Variants in TBC1D32 observed in about 807,000 individuals in gnomAD.
TBC1D32 encodes TBC1 domain family member 32, also known as protein broad-minded.
A neutral mutation model predicts 170.3 loss-of-function variants in TBC1D32; 151 were observed. That is an observed-to-expected ratio of 0.89 (90% CI 0.78 to 1.01). TBC1D32 has a LOEUF of 1.01. Among genes scored for constraint, TBC1D32 ranks in the 50% least tolerant of loss-of-function variants. TBC1D32 has a pLI of 0.00. For synonymous variants in TBC1D32, 498 were observed against 488.0 expected (o/e 1.02, Z -0.27); for missense variants, 1,464 against 1,457.1 (o/e 1.00, Z -0.08).
intron 1 of TBC1D32, among the ~76,000 whole-genome samples, chr6:121,328,452 A>T (rs1387503810): frequency 6.9e-6 from 1 of 144,018 alleles, no homozygotes; most frequent in African/African-American, 2.5e-5. Context: ...CACCTGGCTA[A>T]TTTTTTTTTT....
At chr6:121,127,712 C>A (rs1386633646) in intron 25 of TBC1D32, among the ~76,000 whole-genome samples, 1 of 152,004 alleles carries the variant, frequency 6.6e-6, no homozygotes, top group Admixed American at 6.6e-5. Flanking sequence ...ACAGAAAGAA[C>A]AATGTCTTGA....
intron 31 of TBC1D32, among the ~76,000 whole-genome samples, chr6:121,082,167 C>A (rs961990147): frequency 6.6e-6 from 1 of 152,050 alleles, no homozygotes; most frequent in Middle Eastern, 3.4e-3. Flanking sequence ...GTGAGAAGAG[C>A]CCTGCCCTAA....
chr6:121,190,477 T>C (rs1255092999), intron 22 of TBC1D32, among the ~76,000 whole-genome samples: 1 of 150,182 alleles, frequency 6.7e-6, no homozygotes, highest in Non-Finnish European at 1.5e-5. Flanking sequence ...CTACTCTCCC[T>C]TCCCTCCTCA....
intron 5 of TBC1D32, among the ~76,000 whole-genome samples, chr6:121,307,114 C>A (rs1345736326): frequency 6.6e-6 from 1 of 151,946 alleles, no homozygotes; most frequent in East Asian, 1.9e-4. Flanking sequence ...GTGGCTCAAG[C>A]CTGTAATCCC....
intron 28 of TBC1D32, among the ~76,000 whole-genome samples, 190 bp downstream of exon 28, chr6:121,112,872 G>T (rs1286316609): frequency 6.6e-6 from 1 of 151,836 alleles, no homozygotes; most frequent in African/African-American, 2.4e-5. Flanking sequence ...TAAATATAAT[G>T]ATTACAACTC....
intron 24 of TBC1D32, among the ~76,000 whole-genome samples, chr6:121,141,994 T>C (rs535356271): frequency 6.6e-6 from 1 of 152,360 alleles, no homozygotes; most frequent in East Asian, 1.9e-4. Context: ...AAACCGACTT[T>C]TGATCATTCA....
rs12055639 is a variant in TBC1D32 at position 121,279,094 on chromosome 6, A to C, written c.1733+27T>G. 14 of 1,573,390 alleles carry C rather than the reference A, an allele frequency of 8.9e-6. No individual in the cohort carries two copies. The East Asian group carries it at 2.7e-4, about 31-fold the overall frequency. ...AGAAAACCAAACTATACCTGGAATA[A>C]TTATCCGGATTTAAAATAGCACATA... On this transcript the variant is annotated intron_variant, in intron 15 of 31. Coordinates refer to ENST00000398212, the MANE Select transcript of TBC1D32 (RefSeq NM_152730.6).
intron 22 of TBC1D32, among the ~76,000 whole-genome samples, chr6:121,162,214 A>C (rs147924697): frequency 0.012 from 1,892 of 152,218 alleles, 37 homozygotes; most frequent in African/African-American, 0.043. Context: ...CCCATTTGTC[A>C]GTTTTTGTGT....
intron 24 of TBC1D32, among the ~76,000 whole-genome samples, chr6:121,142,609 C>T (rs1295660974): frequency 6.6e-6 from 1 of 152,096 alleles, no homozygotes; most frequent in East Asian, 1.9e-4. Context: ...GAACAACAAA[C>T]ATCTCATCTT....
chr6:121,258,949 C>T (rs958017830), intron 15 of TBC1D32, among the ~76,000 whole-genome samples: 3 of 150,830 alleles, frequency 2.0e-5, no homozygotes, highest in African/African-American at 7.3e-5. Flanking sequence ...ATCTGTTTAA[C>T]TTCAATGTGA....
At chr6:121,107,134 T>C (rs1778774931) in intron 29 of TBC1D32, among the ~76,000 whole-genome samples, 1 of 151,958 alleles carries the variant, frequency 6.6e-6, no homozygotes, top group Non-Finnish European at 1.5e-5. Context: ...TGGACAAATC[T>C]TATTTTCAAA....
chr6:121,227,482 T>G (rs1795218340), intron 20 of TBC1D32, among the ~76,000 whole-genome samples: 2 of 152,290 alleles, frequency 1.3e-5, no homozygotes, highest in African/African-American at 4.8e-5. Context: ...AAACACAGCA[T>G]TTATCAGATT....
intron 22 of TBC1D32, among the ~76,000 whole-genome samples, chr6:121,174,445 C>G (rs1334546960): frequency 6.6e-6 from 1 of 152,038 alleles, no homozygotes; most frequent in Non-Finnish European, 1.5e-5. Context: ...GGAGACAGAA[C>G]CTGGTAAAGT....
At chr6:121,316,051 G>A (rs1808897174) in intron 3 of TBC1D32, among the ~76,000 whole-genome samples, 2 of 152,072 alleles carry the variant, frequency 1.3e-5, no homozygotes, top group Admixed American at 1.3e-4. Context: ...CTTAAAGCAT[G>A]ATTCCTCCTC....
intron 21 of TBC1D32, among the ~76,000 whole-genome samples, chr6:121,218,346 A>T (rs539452762): frequency 6.6e-6 from 1 of 152,322 alleles, no homozygotes; most frequent in East Asian, 1.9e-4. Context: ...GGGATGTGAC[A>T]TGATTTGGTT....
chr6:121,173,969 C>A (rs538730951), intron 22 of TBC1D32, among the ~76,000 whole-genome samples: 13 of 151,256 alleles, frequency 8.6e-5, no homozygotes, highest in African/African-American at 2.9e-4. Flanking sequence ...AAAAAAGTTG[C>A]CTTTAAATAT....
intron 24 of TBC1D32, among the ~76,000 whole-genome samples, chr6:121,152,709 T>C (rs1381675598): frequency 6.6e-6 from 1 of 152,160 alleles, no homozygotes; most frequent in Non-Finnish European, 1.5e-5. Flanking sequence ...CTTTTCATTC[T>C]TTTTTCTCTA....
intron 24 of TBC1D32, among the ~76,000 whole-genome samples, chr6:121,146,571 C>A (rs1783475447): frequency 6.6e-6 from 1 of 152,110 alleles, no homozygotes; most frequent in Non-Finnish European, 1.5e-5. Context: ...TGAAAACAGT[C>A]ATCTAGGAGA....
intron 3 of TBC1D32, among the ~76,000 whole-genome samples, chr6:121,316,038 A>G (rs1373654425): frequency 6.6e-6 from 1 of 152,196 alleles, no homozygotes; most frequent in African/African-American, 2.4e-5. Flanking sequence ...AAATCCAGGG[A>G]AACTTAAAGC....
Sources: allele counts gnomAD v4.1 joint callset (sites outside exome capture counted in the v4.1 genomes callset), GRCh38; gene constraint gnomAD v4.1.1; transcripts MANE v1.5; gene names NCBI Gene and HGNC (gene_info 2026-07-23, HGNC 2026-07-21).